The following GRIA2 variants were observed in gnomAD, a reference collection of about 807,000 sequenced individuals.
The protein encoded by GRIA2 is glutamate ionotropic receptor AMPA type subunit 2.
In GRIA2, 14 loss-of-function variants were observed where a neutral mutation model predicts 97.3. The ratio of observed to expected loss-of-function variants is 0.14; its 90% CI spans 0.10 to 0.23. GRIA2 has a LOEUF of 0.23. Among genes scored for constraint, GRIA2 ranks in the 10% least tolerant of loss-of-function variants. The pLI, the probability that GRIA2 is intolerant of heterozygous loss-of-function variation, is 1.00. For synonymous variants in GRIA2, 412 were observed against 387.8 expected (o/e 1.06, Z -0.73); for missense variants, 558 against 1,069.8 (o/e 0.52, Z 6.67).
chr4:157,290,541 T>G (rs1433467128), intron 2 of GRIA2, among the ~76,000 whole-genome samples: 2 of 151,246 alleles, frequency 1.3e-5, no homozygotes, highest in African/African-American at 4.9e-5. Context: ...TAGAAGGAAC[T>G]AGTTCATGGA....
chr4:157,336,206 G>T (rs567533989), intron 10 of GRIA2, among the ~76,000 whole-genome samples, 171 bp from the exon 11 acceptor site: 2 of 151,936 alleles, frequency 1.3e-5, no homozygotes, highest in Non-Finnish European at 2.9e-5. Context: ...AAGAGGAGGG[G>T]CATTCGGGGA....
Position 157,321,619 on chromosome 4 carries a change from T to C in GRIA2, c.882+20T>C, listed in dbSNP as rs1734570690. On this transcript the variant is annotated intron_variant, in intron 6 of 15. Coordinates refer to ENST00000264426, the MANE Select transcript of GRIA2 (RefSeq NM_001083619.3). Reference sequence around the variant, plus strand: ...ATTAAGGTTTGCTTTGGTTTCTGTCTTTTCTTTTTCTTTCATATGTGAGGA... The same window carrying C: ...ATTAAGGTTTGCTTTGGTTTCTGTCCTTTCTTTTTCTTTCATATGTGAGGA... The C allele has an allele frequency of 1.3e-6, 2 of 1,562,470 alleles. No individual in the cohort carries two copies. The highest frequency in any genetic ancestry group is 1.8e-5 in the Admixed American group (1 of 55,448).
intron 12 of GRIA2, among the ~76,000 whole-genome samples, chr4:157,353,649 C>T (rs1013610075): frequency 1.3e-5 from 2 of 152,076 alleles, no homozygotes; most frequent in African/African-American, 2.4e-5. Context: ...AGCCACTGCA[C>T]TCCAGCCTGG....
chr4:157,317,388 T>C (rs1369077212), intron 4 of GRIA2, among the ~76,000 whole-genome samples: 1 of 152,194 alleles, frequency 6.6e-6, no homozygotes, highest in Non-Finnish European at 1.5e-5. Context: ...TTTTATTTTT[T>C]ACTATTGACA....
At chr4:157,251,724 C>A (rs1731030387) in intron 2 of GRIA2, among the ~76,000 whole-genome samples, 1 of 152,048 alleles carries the variant, frequency 6.6e-6, no homozygotes, top group South Asian at 2.1e-4. Flanking sequence ...GAGACTACTA[C>A]AATAAAATGT....
At chr4:157,356,285 G>A (rs1236953146) in intron 12 of GRIA2, among the ~76,000 whole-genome samples, 3 of 149,426 alleles carry the variant, frequency 2.0e-5, no homozygotes, top group African/African-American at 7.4e-5. Context: ...AAATCAAGGT[G>A]CAGTTGTTCC....
chr4:157,294,049 C>T (rs187075354), intron 2 of GRIA2, among the ~76,000 whole-genome samples: 1 of 152,042 alleles, frequency 6.6e-6, no homozygotes. Context: ...ATGGCACATG[C>T]GCAGGAACCC....
chr4:157,289,814 C>G (rs1031780158), intron 2 of GRIA2, among the ~76,000 whole-genome samples: 1 of 151,708 alleles, frequency 6.6e-6, no homozygotes, highest in East Asian at 1.9e-4. Context: ...AAATAAAAAG[C>G]TAGAGAGATT....
At chr4:157,288,418 C>T (rs984659350) in intron 2 of GRIA2, among the ~76,000 whole-genome samples, 1 of 151,458 alleles carries the variant, frequency 6.6e-6, no homozygotes, top group African/African-American at 2.4e-5. Context: ...TCGGGTTACT[C>T]GATCTCCATT....
intron 2 of GRIA2, among the ~76,000 whole-genome samples, chr4:157,227,494 A>G (rs1023032338): frequency 6.6e-6 from 1 of 152,196 alleles, no homozygotes; most frequent in African/African-American, 2.4e-5. Flanking sequence ...AAAAAAGTCA[A>G]TAGAAGTACT....
At position 157,235,064 on chromosome 4, in the gene GRIA2, C is replaced by CTCCT. The variant is rs1730184201; in HGVS notation, c.229+13257_229+13258insTCCT. On this transcript the variant is annotated intron_variant, in intron 2 of 15. Coordinates refer to ENST00000264426, the MANE Select transcript of GRIA2 (RefSeq NM_001083619.3). ...AACTCTTCAATGTAGGATCATAAGA[C>CTCCT]CTTTGGTCAAAATTACTCTTTTAAA... is the stretch of plus-strand genomic sequence containing the variant. 2.0e-5 allele frequency among the ~76,000 whole-genome samples: 3 copies of CTCCT among 152,120 alleles called. No individual in the cohort carries two copies. The South Asian group carries it at 6.2e-4, about 32-fold the overall frequency.
At chr4:157,284,476 C>T (rs148481054) in intron 2 of GRIA2, among the ~76,000 whole-genome samples, 1 of 151,802 alleles carries the variant, frequency 6.6e-6, no homozygotes, top group African/African-American at 2.4e-5. Context: ...CAGACCTACA[C>T]ACAGTTATAC....
At chr4:157,247,650 C>T (rs951088563) in intron 2 of GRIA2, among the ~76,000 whole-genome samples, 5 of 152,032 alleles carry the variant, frequency 3.3e-5, no homozygotes, top group East Asian at 1.9e-4. Context: ...AGGGTTATTT[C>T]GGGGGAGGCA....
intron 2 of GRIA2, among the ~76,000 whole-genome samples, chr4:157,297,527 T>C (rs983121732): frequency 1.3e-5 from 2 of 152,142 alleles, no homozygotes; most frequent in Non-Finnish European, 2.9e-5. Context: ...AATATTTTTA[T>C]CGTTTTTTAC....
chr4:157,320,401 T>C (rs1252438051), intron 5 of GRIA2, among the ~76,000 whole-genome samples: 9 of 152,040 alleles, frequency 5.9e-5, no homozygotes, highest in Non-Finnish European at 1.3e-4. Context: ...AAGTAAGAGG[T>C]AAATATGTGA....
intron 14 of GRIA2, chr4:157,362,422 G>A (rs1453361736): frequency 6.5e-6 from 3 of 461,108 alleles, no homozygotes; most frequent in Non-Finnish European, 1.3e-5. Flanking sequence ...CCTGTTCGCT[G>A]TCAGCTTTAC....
At chr4:157,233,075 A>G (rs186223025) in intron 2 of GRIA2, among the ~76,000 whole-genome samples, 47 of 152,284 alleles carry the variant, frequency 3.1e-4, no homozygotes, top group African/African-American at 1.1e-3. Flanking sequence ...AGCACTTGCT[A>G]TTAGAGGCAG....
At position 157,332,809 on chromosome 4, in the gene GRIA2, T is replaced by C. The variant is rs549518190; in HGVS notation, c.883-10T>C. 59 of 1,604,590 alleles carry C rather than the reference T, an allele frequency of 3.7e-5. No homozygotes were observed. The Admixed American group carries it at 9.0e-4, about 24-fold the overall frequency. On this transcript the variant is annotated splice_polypyrimidine_tract_variant and intron_variant, in intron 6 of 15. Transcript: ENST00000264426. ...TCCCGTTCTTATGAAATGTGTGTGA[T>C]CCTTTGCAGTATACTTCTGCTCTGA... is the stretch of plus-strand genomic sequence containing the variant.
intron 2 of GRIA2, among the ~76,000 whole-genome samples, chr4:157,230,579 TTTCC>T (rs147877738): frequency 4.6e-4 from 62 of 135,884 alleles, no homozygotes; most frequent in African/African-American, 1.7e-3. Flanking sequence ...TCCTTCCTTC[TTTCC>T]TTCCTTCCTT....
Sources: allele counts gnomAD v4.1 joint callset (sites outside exome capture counted in the v4.1 genomes callset), GRCh38; gene constraint gnomAD v4.1.1; transcripts MANE v1.5; gene names NCBI Gene and HGNC (gene_info 2026-07-23, HGNC 2026-07-21).